MRC1: variants seen among roughly 807,000 people sequenced by gnomAD.
MRC1 encodes the protein mannose receptor C-type 1, also known as macrophage mannose receptor 1.
MRC1 carries 62 observed loss-of-function variants against 102.9 expected under a neutral mutation model. The observed-to-expected ratio is 0.60, with a 90% CI of 0.49 to 0.74. MRC1 has a LOEUF of 0.74. Among genes scored for constraint, MRC1 ranks in the 30% least tolerant of loss-of-function variants. The pLI, the probability that MRC1 is intolerant of heterozygous loss-of-function variation, is 0.00. For synonymous variants in MRC1, 457 were observed against 298.4 expected, an observed-to-expected ratio of 1.53 and a Z score of -5.48; for missense variants, 1,237 against 862.8, an observed-to-expected ratio of 1.43 and a Z score of -5.43.
chr10:17,898,343 T>C lies in MRC1; in HGVS notation c.3483+77T>C. 4 of 779,986 alleles carry C rather than the reference T, an allele frequency of 5.1e-6. No individual in the cohort carries two copies. The South Asian group carries it at 5.4e-5, about 11-fold the overall frequency. 48.3% of individuals were successfully genotyped at this position (779,986 alleles called of 1,614,324 possible). ...AATATGATTATCTTTCTGTTTGTTC[T>C]GTTGAATACTCATTATGTGTAAGAG... is the stretch of plus-strand genomic sequence containing the variant. On this transcript the variant is annotated intron_variant, in intron 24 of 29. Transcript: ENST00000569591.
chr10:17,810,670 A>G (rs1838207854), intron 1 of MRC1, among the ~76,000 whole-genome samples: 2 of 152,364 alleles, frequency 1.3e-5, no homozygotes, highest in South Asian at 2.1e-4. Flanking sequence ...TCAATGAGTA[A>G]CAATATGTGA....
chr10:17,865,247 A>G (rs1483697781), intron 11 of MRC1, among the ~76,000 whole-genome samples: 1 of 152,222 alleles, frequency 6.6e-6, no homozygotes, highest in East Asian at 1.9e-4. Flanking sequence ...ACCTTTCAAT[A>G]AGGGAAATAG....
At position 17,824,246 on chromosome 10, in the gene MRC1, G is replaced by A. The variant is rs928490331; in HGVS notation, c.463+771G>A. ...AACAAAAATACAACACAACTTGAAG[G>A]CTTGTTACAAAGGCTGGTCTCTTGA... On this transcript the variant is annotated intron_variant, in intron 2 of 29. Transcript: ENST00000569591. Among the ~76,000 whole-genome samples the A allele has an allele frequency of 4.6e-5, 7 of 152,258 alleles. 2 individuals carry two copies.
intron 6 of MRC1, among the ~76,000 whole-genome samples, chr10:17,847,598 A>C (rs1554840318): frequency 0.78 from 118,667 of 151,900 alleles, 46,557 homozygotes; most frequent in South Asian, 0.87. Context: ...CCTGTGAATT[A>C]TTGTAACACT....
In MRC1 at chr10:17,907,664, A is replaced by T. The variant is rs529003; in HGVS notation, c.4044A>T (p.Ser1348=). The part of the protein sequence containing the change: ...SSGFWSNIHC[S]SYKGYICKRP... ...GGTTTTGGAGTAATATTCACTGTTC[A>T]TCCTACAAAGGATATATTTGTAAAA... Residue 1348 remains serine (S), a synonymous_variant, in exon 28 of 30, where the codon TCA becomes TCT. Coordinates refer to ENST00000569591, the MANE Select transcript of MRC1 (RefSeq NM_002438.4). 703,484 of 780,762 alleles carry T rather than the reference A, an allele frequency of 0.9. 317,308 individuals carry two copies. Among genetic ancestry groups the T allele is most frequent in the Non-Finnish European group, 0.91 (381,752 of 417,964 alleles). 48.4% of individuals were successfully genotyped at this position (780,762 alleles called of 1,614,324 possible).
chr10:17,890,721 T>C (rs1301313885), intron 22 of MRC1, among the ~76,000 whole-genome samples: 3 of 152,232 alleles, frequency 2.0e-5, no homozygotes, highest in Non-Finnish European at 4.4e-5. Context: ...TAGTGTGTCT[T>C]ATATTTTTAT....
intron 4 of MRC1, among the ~76,000 whole-genome samples, chr10:17,840,099 G>T (rs1472067506): frequency 1.3e-5 from 2 of 150,532 alleles, no homozygotes; most frequent in Admixed American, 6.6e-5. Context: ...GTAATAATAG[G>T]TTAGAGTGTT....
intron 6 of MRC1, among the ~76,000 whole-genome samples, chr10:17,847,839 A>G (rs973549601): frequency 1.3e-5 from 2 of 151,790 alleles, no homozygotes; most frequent in Non-Finnish European, 2.9e-5. Flanking sequence ...GGCTGATACT[A>G]TTTTCAATTT....
At chr10:17,851,799 C>A (rs966445429) in intron 7 of MRC1, among the ~76,000 whole-genome samples, 1 of 152,208 alleles carries the variant, frequency 6.6e-6, no homozygotes, top group Non-Finnish European at 1.5e-5. Context: ...TCATTCTCCA[C>A]GGCACTGGAA....
chr10:17,887,070 C>A (rs904874296), intron 22 of MRC1, among the ~76,000 whole-genome samples: 1 of 152,060 alleles, frequency 6.6e-6, no homozygotes, highest in Non-Finnish European at 1.5e-5. Flanking sequence ...GGTGATGGAG[C>A]CAGACAGCAG....
In MRC1 at chr10:17,910,671, C is replaced by T; in HGVS notation, c.*206C>T. 1.6e-6 allele frequency: 1 copy of T among 615,120 alleles called. No homozygotes were observed. Among genetic ancestry groups the T allele is most frequent in the Non-Finnish European group, 2.9e-6 (1 of 345,562 alleles). 38.1% of individuals were successfully genotyped at this position (615,120 alleles called of 1,614,324 possible). ...AAAAGAGGGATAACAATGCTGATTACTACCTTTTAAAATATTTTAGATAAA... is the reference window on the plus strand; with the variant it reads ...AAAAGAGGGATAACAATGCTGATTATTACCTTTTAAAATATTTTAGATAAA... On this transcript the variant is annotated 3_prime_UTR_variant, in exon 30 of 30. Coordinates refer to ENST00000569591, the MANE Select transcript of MRC1 (RefSeq NM_002438.4).
chr10:17,870,746 T>C (rs1833343470), intron 13 of MRC1, 102 bp from the exon 14 acceptor site: 1 of 798,472 alleles, frequency 1.3e-6, no homozygotes, highest in East Asian at 2.4e-5. Flanking sequence ...GTACTATTAA[T>C]TTACGTTTTG....
chr10:17,856,045 C>T (rs936544591), intron 8 of MRC1, among the ~76,000 whole-genome samples, 197 bp from the exon 9 acceptor site: 3 of 151,788 alleles, frequency 2.0e-5, no homozygotes, highest in Admixed American at 2.0e-4. Context: ...TGGTGGGTTC[C>T]TGTAATCCTA....
intron 4 of MRC1, among the ~76,000 whole-genome samples, chr10:17,834,636 ACTC>A (rs1838635080): frequency 6.6e-6 from 1 of 151,904 alleles, no homozygotes; most frequent in African/African-American, 2.4e-5. Context: ...CTGGTCATGA[ACTC>A]CTGGCCTCAG....
chr10:17,846,145 T>C (rs2130635502), intron 6 of MRC1, among the ~76,000 whole-genome samples: 1 of 152,126 alleles, frequency 6.6e-6, no homozygotes, highest in East Asian at 1.9e-4. Context: ...TGACCTTGGG[T>C]GATCTACCCA....
At chr10:17,853,594 GTGTGTGTATA>G (rs1408558350) in intron 8 of MRC1, among the ~76,000 whole-genome samples, 13 of 138,106 alleles carry the variant, frequency 9.4e-5, no homozygotes, top group Non-Finnish European at 2.1e-4. Context: ...GTGTGTGTGT[GTGTGTGTATA>G]TATATATATA....
At chr10:17,817,175 G>A (rs1353229996) in intron 1 of MRC1, among the ~76,000 whole-genome samples, 1 of 150,922 alleles carries the variant, frequency 6.6e-6, no homozygotes. Context: ...GCTTGAACCT[G>A]GGAGGCGGAG....
chr10:17,827,059 G>A (rs1216744782), intron 2 of MRC1, among the ~76,000 whole-genome samples: 1 of 152,028 alleles, frequency 6.6e-6, no homozygotes, highest in Non-Finnish European at 1.5e-5. Flanking sequence ...AGAAAGAACT[G>A]TTTCAGAGGA....
intron 7 of MRC1, among the ~76,000 whole-genome samples, chr10:17,850,855 T>A (rs1838904188): frequency 6.6e-6 from 1 of 152,108 alleles, no homozygotes; most frequent in Non-Finnish European, 1.5e-5. Context: ...CCCGAAACAC[T>A]CCTACTTCTA....
Sources: gnomAD v4.1 joint callset for allele counts (sites outside exome capture counted in the v4.1 genomes callset) on GRCh38, gnomAD v4.1.1 for gene constraint, MANE v1.5 for transcripts, NCBI Gene and HGNC (gene_info 2026-07-23, HGNC 2026-07-21) for gene names.